The following CFD variants were observed in gnomAD, a reference collection of about 807,000 sequenced individuals.
CFD encodes the protein complement factor D.
A neutral mutation model predicts 21.1 loss-of-function variants in CFD; 24 were observed. The ratio of observed to expected loss-of-function variants is 1.14; its 90% CI spans 0.82 to 1.60. CFD has a LOEUF of 1.60. Among genes scored for constraint, CFD ranks in the 40% most tolerant of loss-of-function variants. The pLI is 0.00. For missense variants in CFD, 535 were observed against 383.3 expected, an observed-to-expected ratio of 1.40 and a Z score of -3.31; for synonymous variants, 242 against 175.9, an observed-to-expected ratio of 1.38 and a Z score of -2.97.
chr19:862,395 G>A (rs1156550921), intron 4 of CFD, among the ~76,000 whole-genome samples: 1 of 141,320 alleles, frequency 7.1e-6, no homozygotes, highest in South Asian at 2.3e-4. Context: ...TGGAGGAAGG[G>A]GCGGTACCTG....
chr19:863,250 C>CTGAA lies in CFD; in HGVS notation c.*13_*16dup. 2 of 1,547,446 alleles carry CTGAA rather than the reference C, an allele frequency of 1.3e-6. No individual in the cohort carries two copies. Among genetic ancestry groups the CTGAA allele is most frequent in the Non-Finnish European group, 1.7e-6 (2 of 1,153,090 alleles). ...GCGTCCTGGCCTAGGGTGCCGGGGC[C>CTGAA]TGAAGGTCAGGGTCACCCAAGCAAC... On this transcript the variant is annotated 3_prime_UTR_variant, in exon 5 of 5. Transcript: ENST00000327726.
chr19:861,556 T>A, intron 3 of CFD, 143 bp from the exon 4 acceptor site: 1 of 874,486 alleles, frequency 1.1e-6, no homozygotes, highest in Non-Finnish European at 1.7e-6. Context: ...ACCCAGGGTC[T>A]AGCCTAAATC....
chr19:860,970 C>A lies in CFD; in HGVS notation c.322C>A (p.Pro108Thr), dbSNP rs753097110. The change falls in exon 3 of 5, where the codon CCC (proline) becomes ACC (threonine). Residue 108 changes from proline to threonine, a missense_variant. Transcript: ENST00000327726. ...LRAVPHPDSQ[P>T]DTIDHDLLLL... The stretch of plus-strand genomic sequence containing the variant: ...CGCAGTGCCCCACCCGGACAGCCAG[C>A]CCGACACCATCGACCACGACCTCCT... 1 of 1,599,998 alleles carries A rather than the reference C, an allele frequency of 6.3e-7. No individual in the cohort carries two copies. The highest frequency in any genetic ancestry group is 8.5e-7 in the Non-Finnish European group (1 of 1,179,570).
chr19:862,939 G>A (rs1299540071), intron 4 of CFD, among the ~76,000 whole-genome samples, 153 bp from the exon 5 acceptor site: 2 of 152,016 alleles, frequency 1.3e-5, no homozygotes, highest in African/African-American at 4.8e-5. Context: ...GGCGATAGGC[G>A]TGGCGCGGGG....
At position 861,752 on chromosome 19, in the gene CFD, C is replaced by G. The variant is rs1416938523; in HGVS notation, c.411C>G (p.Arg137=). The change falls in exon 4 of 5, where the codon CGC becomes CGG. Residue 137 remains arginine (R), a synonymous_variant. Coordinates refer to ENST00000327726, the MANE Select transcript of CFD (RefSeq NM_001928.4). ...CTGTGCGCCCCCTGCCCTGGCAGCGCGTGGACCGCGACGTGGCACCGGGAA... is the reference window on the plus strand; with the variant it reads ...CTGTGCGCCCCCTGCCCTGGCAGCGGGTGGACCGCGACGTGGCACCGGGAA... ...GPAVRPLPWQ[R]VDRDVAPGTL... 1.9e-6 allele frequency: 3 copies of G among 1,605,690 alleles called. No individual in the cohort carries two copies. The highest frequency in any genetic ancestry group is 2.7e-5 in the African/African-American group (2 of 74,916).
At position 863,187 on chromosome 19, in the gene CFD, C is replaced by T. The variant is rs750817171; in HGVS notation, c.711C>T (p.Ile237=). 1.3e-6 allele frequency: 2 copies of T among 1,539,044 alleles called. No individual in the cohort carries two copies. Among genetic ancestry groups the T allele is most frequent in the East Asian group, 2.4e-5 (1 of 41,420 alleles). ...GCGGCAACCGCAAGAAGCCCGGGATCTACACCCGCGTGGCGAGCTATGCGG... is the reference window on the plus strand; with the variant it reads ...GCGGCAACCGCAAGAAGCCCGGGATTTACACCCGCGTGGCGAGCTATGCGG... The part of the protein sequence containing the change: ...RVCGNRKKPG[I]YTRVASYAAW... Residue 237 remains isoleucine (I), a synonymous_variant, in exon 5 of 5, where the codon ATC becomes ATT. Transcript: ENST00000327726.
At chr19:862,036 C>A in intron 4 of CFD, 80 bp downstream of exon 4, 6 of 1,318,182 alleles carry the variant, frequency 4.6e-6, no homozygotes, top group Non-Finnish European at 5.0e-6. Flanking sequence ...AAGCGGGGGG[C>A]AAGTAGGAAC....
At chr19:861,608 ACCT>A in intron 3 of CFD, 88 bp from the exon 4 acceptor site, 1 of 1,324,818 alleles carries the variant, frequency 7.5e-7, no homozygotes, top group Non-Finnish European at 9.8e-7. Context: ...CCTGATGCCC[ACCT>A]CCCCCGTCCC....
At chr19:862,932 G>A (rs564337125) in intron 4 of CFD, among the ~76,000 whole-genome samples, 160 bp from the exon 5 acceptor site, 2 of 152,142 alleles carry the variant, frequency 1.3e-5, no homozygotes, top group South Asian at 2.1e-4. Context: ...TGGCCTAGGC[G>A]ATAGGCGTGG....
chr19:863,075 C>A lies in CFD; in HGVS notation c.616-17C>A. 6.6e-7 allele frequency: 1 copy of A among 1,514,028 alleles called. No individual in the cohort carries two copies. The highest frequency in any genetic ancestry group is 8.8e-7 in the Non-Finnish European group (1 of 1,131,082). 93.8% of individuals were successfully genotyped at this position (1,514,028 alleles called of 1,614,324 possible). The stretch of plus-strand genomic sequence containing the variant: ...TGGGCGCGGGCCGCCCCTCACGGCC[C>A]CGTCCTGTTCCGGCAGGGTGACTCC... On this transcript the variant is annotated splice_polypyrimidine_tract_variant and intron_variant, in intron 4 of 4. Transcript: ENST00000327726.
chr19:863,219 T>G lies in CFD; in HGVS notation c.743T>G (p.Ile248Ser). The G allele has an allele frequency of 6.5e-7, 1 of 1,544,920 alleles. No individual in the cohort carries two copies. Among genetic ancestry groups the G allele is most frequent in the South Asian group, 1.2e-5 (1 of 84,558 alleles). Residue 248 changes from isoleucine (I) to serine (S), a missense_variant, in exon 5 of 5, where the codon ATC becomes AGC. Transcript: ENST00000327726. ...YTRVASYAAW[I>S]DSVLA is the part of the protein sequence containing the mutation. ...CGCGTGGCGAGCTATGCGGCCTGGA[T>G]CGACAGCGTCCTGGCCTAGGGTGCC...
Position 859,679 on chromosome 19 carries a change from G to A in CFD, c.-11G>A, listed in dbSNP as rs568857471. ...TGCCTGGGTCAGTGTCTCAGCCACA[G>A]CGGCTTCACCATGCACAGCTGGGAG... On this transcript the variant is annotated 5_prime_UTR_variant, in exon 1 of 5. Coordinates refer to ENST00000327726, the MANE Select transcript of CFD (RefSeq NM_001928.4). 3.5e-5 allele frequency: 54 copies of A among 1,561,848 alleles called. 1 individual carries two copies. In the South Asian group the frequency reaches 5.8e-4, roughly 17 times the overall value.
At chr19:860,586 C>A in intron 1 of CFD, 31 bp from the exon 2 acceptor site, 1 of 1,402,692 alleles carries the variant, frequency 7.1e-7, no homozygotes, top group Non-Finnish European at 9.2e-7. Flanking sequence ...GGAGTCCACC[C>A]CGCGGCCCTC....
At position 863,438 on chromosome 19, in the gene CFD, A is replaced by AT. The variant is rs2035840735; in HGVS notation, c.*200_*201insT. 1.6e-6 allele frequency: 1 copy of AT among 642,276 alleles called. No individual in the cohort carries two copies. Among genetic ancestry groups the AT allele is most frequent in the Non-Finnish European group, 2.7e-6 (1 of 367,510 alleles). The allele number at this position is 642,276 out of a possible 1,614,324, so 39.8% of individuals were successfully genotyped here. A position where few individuals can be genotyped will look rare whatever the true frequency, so the allele number is the denominator to read the frequency against. On this transcript the variant is annotated 3_prime_UTR_variant, in exon 5 of 5. Transcript: ENST00000327726. ...CGACTCCATCTCTACAAATAAATAA[A>AT]AAATTAGCTGGGCAATTGGCGGGCA...
chr19:860,456 G>A (rs1461927549), intron 1 of CFD, among the ~76,000 whole-genome samples, 161 bp from the exon 2 acceptor site: 12 of 134,914 alleles, frequency 8.9e-5, no homozygotes, highest in African/African-American at 3.2e-4. Flanking sequence ...CCGCCCCCGC[G>A]CGGCTTCACA....
chr19:861,669 C>A lies in CFD; in HGVS notation c.358-30C>A, dbSNP rs1351918335. The A allele has an allele frequency of 3.2e-6, 5 of 1,581,238 alleles. No individual in the cohort carries two copies. In the South Asian group the frequency reaches 5.7e-5, roughly 18 times the overall value. On this transcript the variant is annotated intron_variant, in intron 3 of 4. Coordinates refer to ENST00000327726, the MANE Select transcript of CFD (RefSeq NM_001928.4). ...TCTCCCCAGCCTCGCACCCCCGCACCCCAACCCTGACGTCCGCCTCCACCC... is the reference window on the plus strand; with the variant it reads ...TCTCCCCAGCCTCGCACCCCCGCACACCAACCCTGACGTCCGCCTCCACCC...
intron 4 of CFD, 84 bp from the exon 5 acceptor site, chr19:863,008 G>C (rs996130946): frequency 1.5e-5 from 20 of 1,321,116 alleles, no homozygotes; most frequent in African/African-American, 2.9e-5. Context: ...TGTGGGGCGG[G>C]AGCGGCAGCC....
intron 4 of CFD, among the ~76,000 whole-genome samples, chr19:862,477 A>AG (rs1311671444): frequency 3.9e-5 from 1 of 25,470 alleles, no homozygotes; most frequent in Admixed American, 5.5e-4. Context: ...TGGGAGGTAT[A>AG]GGGGGCGGGC....
At chr19:861,614 C>G in intron 3 of CFD, 85 bp from the exon 4 acceptor site, 1 of 1,499,310 alleles carries the variant, frequency 6.7e-7, no homozygotes. Flanking sequence ...GCCCACCTCC[C>G]CCGTCCCGTC....
Sources: allele counts gnomAD v4.1 joint callset (sites outside exome capture counted in the v4.1 genomes callset), GRCh38; gene constraint gnomAD v4.1.1; transcripts MANE v1.5; gene names NCBI Gene and HGNC (gene_info 2026-07-23, HGNC 2026-07-21).